ELAPOR2: variants seen among roughly 807,000 people sequenced by gnomAD.
ELAPOR2 encodes the protein endosome/lysosome-associated apoptosis and autophagy regulator family member 2.
Under a neutral mutation model 120.7 loss-of-function variants are expected in ELAPOR2, and 89 were observed. The ratio of observed to expected loss-of-function variants is 0.74; its 90% CI spans 0.62 to 0.88. The LOEUF (loss-of-function observed/expected upper bound fraction) is 0.88, where lower values mean the gene tolerates loss of function less well. ELAPOR2 is among the 40% of genes least tolerant of loss of function. ELAPOR2 has a pLI of 0.00. For missense variants in ELAPOR2, 1,134 were observed against 1,251.6 expected, an observed-to-expected ratio of 0.91 and a Z score of 1.42; for synonymous variants, 444 against 444.9, an observed-to-expected ratio of 1.00 and a Z score of 0.03.
chr7:87,049,290 A>AT (rs11377788), intron 1 of ELAPOR2, among the ~76,000 whole-genome samples: 119,924 of 150,248 alleles, frequency 0.8, 47,994 homozygotes, highest in East Asian at 0.89. Flanking sequence ...TTATTTATTT[A>AT]TTTTTTTTTG....
chr7:87,010,781 A>AT lies in ELAPOR2; in HGVS notation c.190-45758dup, dbSNP rs895294484. Among the ~76,000 whole-genome samples the AT allele has an allele frequency of 6.3e-4, 94 of 149,782 alleles. 1 individual carries two copies. The highest frequency in any genetic ancestry group is 2.0e-3 in the African/African-American group (82 of 40,902). On this transcript the variant is annotated intron_variant, in intron 1 of 21. Coordinates refer to ENST00000450689, the MANE Select transcript of ELAPOR2 (RefSeq NM_001142749.3). ...TCCTTACATGTTCAGGACAGATGCCATTTTTTTTTTCAAATAGTTTCAATC... is the reference window on the plus strand; with the variant it reads ...TCCTTACATGTTCAGGACAGATGCCATTTTTTTTTTTCAAATAGTTTCAATC...
chr7:86,948,010 ACT>A, intron 2 of ELAPOR2, 88 bp from the exon 3 acceptor site: 1 of 892,550 alleles, frequency 1.1e-6, no homozygotes, highest in Non-Finnish European at 1.7e-6. Context: ...TTTTTATAAA[ACT>A]CTGATTGTGC....
At chr7:86,962,735 A>G (rs910162522) in intron 2 of ELAPOR2, among the ~76,000 whole-genome samples, 3 of 152,320 alleles carry the variant, frequency 2.0e-5, no homozygotes, top group African/African-American at 7.2e-5. Context: ...TGAGGATACA[A>G]TGGGATAACG....
At chr7:86,906,587 C>T (rs1054089870) in intron 18 of ELAPOR2, among the ~76,000 whole-genome samples, 1 of 152,060 alleles carries the variant, frequency 6.6e-6, no homozygotes, top group Admixed American at 6.6e-5. Context: ...AGGTTAAAAT[C>T]TCCCAAGGGT....
intron 1 of ELAPOR2, among the ~76,000 whole-genome samples, chr7:86,971,506 T>C (rs969261713): frequency 6.6e-6 from 1 of 152,222 alleles, no homozygotes; most frequent in African/African-American, 2.4e-5. Flanking sequence ...CTTTCTCACA[T>C]TTAAAGTATA....
intron 1 of ELAPOR2, among the ~76,000 whole-genome samples, chr7:86,970,782 T>C (rs368019839): frequency 1.3e-5 from 2 of 152,308 alleles, no homozygotes; most frequent in South Asian, 4.1e-4. Flanking sequence ...CTAAGTAATA[T>C]GTATCTGATC....
intron 1 of ELAPOR2, among the ~76,000 whole-genome samples, chr7:86,973,848 G>A (rs772890446): frequency 6.6e-6 from 1 of 152,156 alleles, no homozygotes; most frequent in Non-Finnish European, 1.5e-5. Flanking sequence ...CTATAGTAGA[G>A]ACCAAGGCAG....
rs148094947 is a variant in ELAPOR2, at chr7:87,028,089, T to C, written c.189+31236A>G. Reference sequence around the variant, plus strand: ...AAGTATACTTTGTTCAGCATTACTCTTACCAAGTAACTATTTTCACTTCCC... The same window carrying C: ...AAGTATACTTTGTTCAGCATTACTCCTACCAAGTAACTATTTTCACTTCCC... On this transcript the variant is annotated intron_variant, in intron 1 of 21. Coordinates refer to ENST00000450689, the MANE Select transcript of ELAPOR2 (RefSeq NM_001142749.3). Among the ~76,000 whole-genome samples the C allele has an allele frequency of 2.1e-3, 319 of 152,274 alleles. 2 individuals carry two copies. Among genetic ancestry groups the C allele is most frequent in the African/African-American group, 7.2e-3 (298 of 41,550 alleles).
At chr7:86,985,429 T>C (rs12704307) in intron 1 of ELAPOR2, among the ~76,000 whole-genome samples, 57,579 of 151,948 alleles carry the variant, frequency 0.38, 11,756 homozygotes, top group African/African-American at 0.53. Context: ...AACATTGATG[T>C]AAAAATCCTC....
chr7:86,883,024 GT>G lies in ELAPOR2; in HGVS notation c.3031-2495del, dbSNP rs1430177939. The stretch of plus-strand genomic sequence containing the variant: ...CATACTGGATGATCGTTTGAAAGGG[GT>G]GTGTGTGTGTGTGTGTGTGTGTGTG... On this transcript the variant is annotated intron_variant, in intron 21 of 21. Coordinates refer to ENST00000450689, the MANE Select transcript of ELAPOR2 (RefSeq NM_001142749.3). Among the ~76,000 whole-genome samples, 300 of 36,190 alleles carry G rather than the reference GT, an allele frequency of 8.3e-3. 3 individuals carry two copies. The African/African-American group carries it at 0.11, about 14-fold the overall frequency. 23.7% of individuals were successfully genotyped at this position (36,190 alleles called of 152,430 possible). A position where few individuals can be genotyped will look rare whatever the true frequency, so the allele number is the denominator to read the frequency against.
chr7:86,946,747 G>C (rs552678684), intron 3 of ELAPOR2, among the ~76,000 whole-genome samples: 1 of 152,046 alleles, frequency 6.6e-6, no homozygotes, highest in East Asian at 1.9e-4. Flanking sequence ...AAAAACTTCC[G>C]CTTACTCGAT....
intron 17 of ELAPOR2, 25 bp downstream of exon 17, chr7:86,908,422 C>T (rs754583930): frequency 7.9e-7 from 1 of 1,269,370 alleles, no homozygotes; most frequent in South Asian, 1.3e-5. Context: ...AAAATATAGT[C>T]AAGGGAAACA....
In ELAPOR2 at chr7:86,973,137, C is replaced by T. The variant is rs1425992072; in HGVS notation, c.190-8113G>A. Among the ~76,000 whole-genome samples the T allele has an allele frequency of 5.3e-5, 8 of 152,098 alleles. No individual in the cohort carries two copies. In the East Asian group the frequency reaches 7.7e-4, roughly 15 times the overall value. On this transcript the variant is annotated intron_variant, in intron 1 of 21. Coordinates refer to ENST00000450689, the MANE Select transcript of ELAPOR2 (RefSeq NM_001142749.3). ...GCTCTTGCCCACACCTACTACACTC[C>T]ACAGCCAGTTCTAAATGGAAGATCT...
chr7:87,059,296 C>T (rs1417066840), intron 1 of ELAPOR2, 29 bp downstream of exon 1: 1 of 1,247,436 alleles, frequency 8.0e-7, no homozygotes, highest in Non-Finnish European at 1.0e-6. Flanking sequence ...CCCCAGCAAA[C>T]TCCAGGTAGA....
In ELAPOR2 at chr7:87,013,593, T is replaced by C. The variant is rs144754432; in HGVS notation, c.189+45732A>G. Among the ~76,000 whole-genome samples, 370 of 152,072 alleles carry C rather than the reference T, an allele frequency of 2.4e-3. 4 individuals carry two copies. Among genetic ancestry groups the C allele is most frequent in the African/African-American group, 8.4e-3 (349 of 41,482 alleles). On this transcript the variant is annotated intron_variant, in intron 1 of 21. Coordinates refer to ENST00000450689, the MANE Select transcript of ELAPOR2 (RefSeq NM_001142749.3). The stretch of plus-strand genomic sequence containing the variant: ...GGAAGGAGCAGGTGGTGAAGAAGAT[T>C]ATGGTGAATTATAAGGGACACTGAT...
intron 1 of ELAPOR2, among the ~76,000 whole-genome samples, chr7:87,037,637 C>T (rs1009495237): frequency 1.3e-5 from 2 of 152,130 alleles, no homozygotes; most frequent in African/African-American, 4.8e-5. Flanking sequence ...CTTTTATGTT[C>T]CTTCATTTGC....
intron 8 of ELAPOR2, among the ~76,000 whole-genome samples, chr7:86,928,033 A>C (rs1232021542): frequency 6.6e-6 from 1 of 152,048 alleles, no homozygotes; most frequent in Non-Finnish European, 1.5e-5. Context: ...TTCTTATGGA[A>C]GAGTAGATTA....
chr7:86,879,737 A>G lies in ELAPOR2; in HGVS notation c.*734T>C, dbSNP rs1276143556. ...TCTATGATACTAGCAGCTAGTTTGCATTAATGGAGAATTAGGGCTTCTCGT... is the reference window on the plus strand; with the variant it reads ...TCTATGATACTAGCAGCTAGTTTGCGTTAATGGAGAATTAGGGCTTCTCGT... On this transcript the variant is annotated 3_prime_UTR_variant, in exon 22 of 22. Transcript: ENST00000450689. 2 of 152,188 alleles carry G rather than the reference A, an allele frequency of 1.3e-5. No homozygotes were observed. Among genetic ancestry groups the G allele is most frequent in the Admixed American group, 6.6e-5 (1 of 15,260 alleles). The allele number at this position is 152,188 out of a possible 1,614,324, so 9.4% of individuals were successfully genotyped here. A position where few individuals can be genotyped will look rare whatever the true frequency, so the allele number is the denominator to read the frequency against.
At position 86,909,854 on chromosome 7, in the gene ELAPOR2, C is replaced by G; in HGVS notation, c.2317G>C (p.Ala773Pro). 6.2e-7 allele frequency: 1 copy of G among 1,612,994 alleles called. No homozygotes were observed. Among genetic ancestry groups the G allele is most frequent in the Non-Finnish European group, 8.5e-7 (1 of 1,179,398 alleles). ...AGAATGATGGATTGTGATGATAAGG[C>G]TGCTCGGAAACCCTTACTTTCAGAA... The part of the protein sequence containing the change: ...IPSESKGFRA[A>P]LSSQSIILAD... The change falls in exon 16 of 22, where the codon GCC (alanine) becomes CCC (proline). Residue 773 changes from alanine to proline, a missense_variant. Coordinates refer to ENST00000450689, the MANE Select transcript of ELAPOR2 (RefSeq NM_001142749.3).
Sources: gnomAD v4.1 joint callset for allele counts (sites outside exome capture counted in the v4.1 genomes callset) on GRCh38, gnomAD v4.1.1 for gene constraint, MANE v1.5 for transcripts, NCBI Gene and HGNC (gene_info 2026-07-23, HGNC 2026-07-21) for gene names.